Variants in SRL observed in about 807,000 individuals in gnomAD.
SRL encodes sarcalumenin.
Under a neutral mutation model 39.5 loss-of-function variants are expected in SRL, and 23 were observed. The ratio of observed to expected loss-of-function variants is 0.58; its 90% confidence interval spans 0.42 to 0.82. The LOEUF (loss-of-function observed/expected upper bound fraction) is 0.82, where lower values mean the gene tolerates loss of function less well. SRL is among the 40% of genes least tolerant of loss of function. The probability of loss-of-function intolerance (pLI) is 0.00; values close to 1 mark genes in which losing one functional copy is unlikely to be tolerated. For synonymous variants in SRL, 272 were observed against 237.4 expected, an observed-to-expected ratio of 1.15 and a Z score of -1.34; for missense variants, 592 against 607.8, an observed-to-expected ratio of 0.97 and a Z score of 0.27.
chr16:4,239,207 C>G lies in SRL; in HGVS notation c.61+2800G>C, dbSNP rs534612587. On this transcript the variant is annotated intron_variant, in intron 1 of 5. Transcript: ENST00000399609. ...CAGCCAGGGGTGGGAGAGAAAGGGG[C>G]GGGGAAACAGCTTCCTGACCGTCAC... 5.9e-5 allele frequency among the ~76,000 whole-genome samples: 9 copies of G among 152,156 alleles called. No individual in the cohort carries two copies. The East Asian group carries it at 1.5e-3, about 26-fold the overall frequency.
intron 1 of SRL, among the ~76,000 whole-genome samples, chr16:4,223,060 T>A (rs1196008383): frequency 6.6e-6 from 1 of 151,502 alleles, no homozygotes; most frequent in Non-Finnish European, 1.5e-5. Flanking sequence ...TAAAACCCCA[T>A]CTCTACTAAA....
At position 4,195,799 on chromosome 16, in the gene SRL, G is replaced by A; in HGVS notation, c.377-13C>T. 4 of 1,603,128 alleles carry A rather than the reference G, an allele frequency of 2.5e-6. No homozygotes were observed. Among genetic ancestry groups the A allele is most frequent in the Non-Finnish European group, 3.4e-6 (4 of 1,171,890 alleles). ...GTGGGTTCAGCGCCTGGGCACACGGGGTGAGAGGTGAAGGAATACATGATC... is the reference window on the plus strand; with the variant it reads ...GTGGGTTCAGCGCCTGGGCACACGGAGTGAGAGGTGAAGGAATACATGATC... On this transcript the variant is annotated splice_polypyrimidine_tract_variant and intron_variant, in intron 4 of 5. Transcript: ENST00000399609.
intron 1 of SRL, chr16:4,208,005 G>A (rs572053170): frequency 2.2e-4 from 100 of 456,716 alleles, no homozygotes; most frequent in African/African-American, 4.8e-4. Context: ...TGCATAAAGC[G>A]CCCTTTCTTT....
intron 3 of SRL, among the ~76,000 whole-genome samples, chr16:4,202,341 C>G (rs1459466552): frequency 6.6e-6 from 1 of 152,196 alleles, no homozygotes; most frequent in African/African-American, 2.4e-5. Flanking sequence ...CGCTTGTAAT[C>G]CCAGCACTTT....
chr16:4,201,159 G>A (rs2052224396), intron 3 of SRL, among the ~76,000 whole-genome samples: 1 of 150,076 alleles, frequency 6.7e-6, no homozygotes, highest in Admixed American at 6.7e-5. Context: ...TGTCGCCCAG[G>A]CTGGAGTGCA....
At chr16:4,214,363 A>G (rs2052429462) in intron 1 of SRL, among the ~76,000 whole-genome samples, 1 of 152,182 alleles carries the variant, frequency 6.6e-6, no homozygotes. Context: ...GCGTAAGTAA[A>G]ATACCTCTGA....
intron 5 of SRL, among the ~76,000 whole-genome samples, chr16:4,194,911 C>G (rs1237286328): frequency 3.3e-5 from 5 of 149,600 alleles, no homozygotes; most frequent in Non-Finnish European, 5.9e-5. Context: ...TTTTTTTTTT[C>G]TGAGACAGAG....
chr16:4,210,793 A>G (rs1391813679), intron 1 of SRL, among the ~76,000 whole-genome samples: 4 of 151,976 alleles, frequency 2.6e-5, no homozygotes, highest in Non-Finnish European at 4.4e-5. Context: ...TCATATCTCT[A>G]TTTTTACAGA....
intron 1 of SRL, among the ~76,000 whole-genome samples, chr16:4,215,643 C>T (rs948164087): frequency 6.6e-6 from 1 of 152,126 alleles, no homozygotes; most frequent in East Asian, 1.9e-4. Flanking sequence ...CTAAGTCTAC[C>T]CTAGGACAGT....
rs745835459 is a variant in SRL at position 4,192,562 on chromosome 16, A to G, written c.1013T>C (p.Ile338Thr). Residue 338 changes from isoleucine to threonine, a missense_variant, in exon 6 of 6, where the codon ATC (isoleucine) becomes ACC (threonine). Transcript: ENST00000399609. The surrounding 1 kb of genome is among the most constrained non-coding windows in gnomAD (Gnocchi z 4.0). ...CAGGAGGGCGTGGATGCGGACCCGGATGGCGTGCTGGCGGATGAAGGCAAT... is the reference window on the plus strand; with the variant it reads ...CAGGAGGGCGTGGATGCGGACCCGGGTGGCGTGCTGGCGGATGAAGGCAAT... ...NKIAFIRQHAIRVRIHALLVD... is the reference protein window; with the variant it reads ...NKIAFIRQHATRVRIHALLVD... 1.9e-6 allele frequency: 3 copies of G among 1,614,148 alleles called. No individual in the cohort carries two copies. The Admixed American group carries it at 5.0e-5, about 27-fold the overall frequency.
At position 4,195,392 on chromosome 16, in the gene SRL, T is replaced by C. The variant is rs11076822; in HGVS notation, c.610+161A>G. Among the ~76,000 whole-genome samples the C allele has an allele frequency of 0.51, 77,432 of 151,902 alleles. 19,973 individuals are homozygous for C. Among genetic ancestry groups the C allele is most frequent in the South Asian group, 0.63 (3,004 of 4,806 alleles). ...TTAAATTTTTTTGTAGAGATGAGGT[T>C]TCACTATGTTGCTCAGGCTGGTCTT... On this transcript the variant is annotated intron_variant, in intron 5 of 5. Transcript: ENST00000399609.
rs757937739 is a variant in SRL at position 4,203,303 on chromosome 16, C to G, written c.164-42G>C. On this transcript the variant is annotated intron_variant, in intron 2 of 5. Transcript: ENST00000399609. Reference sequence around the variant, plus strand: ...CCGGGGGAAGAGCATCACGCAGGTGCGATCCAGGCAGCTCCTCCATTGTGG... The same window carrying G: ...CCGGGGGAAGAGCATCACGCAGGTGGGATCCAGGCAGCTCCTCCATTGTGG... 2.6e-6 allele frequency: 4 copies of G among 1,556,990 alleles called. No homozygotes were observed. The East Asian group carries it at 6.7e-5, about 26-fold the overall frequency.
chr16:4,203,964 T>C (rs1369914170), intron 2 of SRL, among the ~76,000 whole-genome samples: 2 of 152,186 alleles, frequency 1.3e-5, no homozygotes, highest in Non-Finnish European at 1.5e-5. Flanking sequence ...AGGTGGCCTC[T>C]TTCTAAGAGT....
intron 3 of SRL, among the ~76,000 whole-genome samples, chr16:4,200,610 G>A (rs2052215104): frequency 6.6e-6 from 1 of 152,178 alleles, no homozygotes; most frequent in Non-Finnish European, 1.5e-5. Context: ...TTCCTAGGAG[G>A]GCCAAGACTC....
chr16:4,218,799 C>T (rs946225845), intron 1 of SRL, among the ~76,000 whole-genome samples: 6 of 152,216 alleles, frequency 3.9e-5, no homozygotes, highest in African/African-American at 7.2e-5. Flanking sequence ...CAGAAGCCGG[C>T]GGTTCCCAAG....
At chr16:4,236,370 C>T (rs993087580) in intron 1 of SRL, among the ~76,000 whole-genome samples, 1 of 152,150 alleles carries the variant, frequency 6.6e-6, no homozygotes, top group Non-Finnish European at 1.5e-5. Context: ...GTCACTGTCT[C>T]TTCTTGGGTC....
chr16:4,214,973 G>A (rs1007665892), intron 1 of SRL, among the ~76,000 whole-genome samples: 9 of 151,960 alleles, frequency 5.9e-5, no homozygotes, highest in African/African-American at 2.2e-4. Flanking sequence ...TCACCATGTT[G>A]GCCAGGCTGG....
At chr16:4,236,999 T>C (rs1216335286) in intron 1 of SRL, among the ~76,000 whole-genome samples, 2 of 150,416 alleles carry the variant, frequency 1.3e-5, no homozygotes, top group Non-Finnish European at 3.0e-5. Context: ...TGGGGTACAA[T>C]AGTGCCATCA....
intron 2 of SRL, 125 bp from the exon 3 acceptor site, chr16:4,203,386 T>G: frequency 1.4e-6 from 1 of 718,874 alleles, no homozygotes; most frequent in East Asian, 2.6e-5. Context: ...AAGTGCTGTT[T>G]GCAGCCCAGC....
Sources: gnomAD v4.1 joint callset for allele counts (sites outside exome capture counted in the v4.1 genomes callset) on GRCh38, gnomAD v4.1.1 for gene constraint, Gnocchi (gnomAD v3.1) non-coding constraint, MANE v1.5 for transcripts, NCBI Gene and HGNC (gene_info 2026-07-23, HGNC 2026-07-21) for gene names.